RLF: variants seen among roughly 807,000 people sequenced by gnomAD.
RLF encodes the protein RLF zinc finger.
RLF carries 7 observed loss-of-function variants against 162.9 expected under a neutral mutation model. The observed-to-expected ratio is 0.04, with a 90% CI of 0.02 to 0.08. RLF has a LOEUF of 0.08. RLF is among the 10% of genes least tolerant of loss of function. The pLI, the probability that RLF is intolerant of heterozygous loss-of-function variation, is 1.00. For synonymous variants in RLF, 782 were observed against 791.5 expected, an observed-to-expected ratio of 0.99 and a Z score of 0.20; for missense variants, 1,664 against 2,244.7, an observed-to-expected ratio of 0.74 and a Z score of 5.23.
chr1:40,214,928 A>AC lies in RLF; in HGVS notation c.811-7646_811-7645insC, dbSNP rs1309961024. On this transcript the variant is annotated intron_variant, in intron 5 of 7. Transcript: ENST00000372771. ...AGAGTGAGCCTGTCTCAAAAAAAAA[A>AC]AAAAAAAAAAAAAAAAACTAAAGTA... Among the ~76,000 whole-genome samples the AC allele has an allele frequency of 2.8e-4, 41 of 146,808 alleles. 1 individual carries two copies. The highest frequency in any genetic ancestry group is 7.2e-4 in the African/African-American group (29 of 40,498).
chr1:40,167,955 G>A (rs1012996915), intron 1 of RLF, among the ~76,000 whole-genome samples: 2 of 151,340 alleles, frequency 1.3e-5, no homozygotes, highest in African/African-American at 4.9e-5. Flanking sequence ...GATGGCTCAT[G>A]CCTGTAATCC....
intron 2 of RLF, among the ~76,000 whole-genome samples, chr1:40,190,551 A>G (rs889407455): frequency 1.3e-5 from 2 of 152,162 alleles, no homozygotes; most frequent in African/African-American, 4.8e-5. Flanking sequence ...ATTCTTACCA[A>G]ATGTACTAAA....
intron 1 of RLF, among the ~76,000 whole-genome samples, chr1:40,183,887 A>G (rs903707678): frequency 6.6e-6 from 1 of 152,172 alleles, no homozygotes; most frequent in Non-Finnish European, 1.5e-5. Flanking sequence ...AACCCATACT[A>G]TGTGCTCAGT....
chr1:40,231,699 A>G, intron 7 of RLF, 41 bp downstream of exon 7: 1 of 1,553,068 alleles, frequency 6.4e-7, no homozygotes, highest in Non-Finnish European at 8.7e-7. Flanking sequence ...TAGCTGGAGG[A>G]AAGAAATGAG....
At chr1:40,188,514 G>T (rs1464739851) in intron 1 of RLF, among the ~76,000 whole-genome samples, 2 of 151,718 alleles carry the variant, frequency 1.3e-5, no homozygotes, top group African/African-American at 2.4e-5. Context: ...TTTTGTTGAG[G>T]ATACAGGGCT....
chr1:40,236,601 C>T lies in RLF; in HGVS notation c.1899C>T (p.Pro633=), dbSNP rs202240048. ...AAAAGGGTATTTGTCCTAAGAGCCC[C>T]TCTGCAATCCCAGAGCAAAACCATT... The part of the protein sequence containing the change: ...GSQKGICPKS[P]SAIPEQNHSL... The change falls in exon 8 of 8, where the codon CCC becomes CCT. Residue 633 remains proline (P), a synonymous_variant. Coordinates refer to ENST00000372771, the MANE Select transcript of RLF (RefSeq NM_012421.4). The surrounding 1 kb of genome is among the most constrained non-coding windows in gnomAD (Gnocchi z 7.7). 9.0e-5 allele frequency: 145 copies of T among 1,614,120 alleles called. No homozygotes were observed. The highest frequency in any genetic ancestry group is 6.7e-5 in the East Asian group (3 of 44,880).
chr1:40,165,737 T>C (rs1280858544), intron 1 of RLF, among the ~76,000 whole-genome samples: 2 of 152,166 alleles, frequency 1.3e-5, no homozygotes, highest in African/African-American at 4.8e-5. Context: ...AAATTATAAA[T>C]ATAATCTTGT....
At chr1:40,164,114 A>G (rs1444256959) in intron 1 of RLF, among the ~76,000 whole-genome samples, 1 of 152,212 alleles carries the variant, frequency 6.6e-6, no homozygotes, top group East Asian at 1.9e-4. Flanking sequence ...GGACTCTAGG[A>G]GAGGAGCACA....
chr1:40,231,483 T>G (rs770813173), intron 6 of RLF, 34 bp from the exon 7 acceptor site: 1 of 1,599,366 alleles, frequency 6.3e-7, no homozygotes, highest in Non-Finnish European at 8.5e-7. Context: ...ACCAGTTACT[T>G]TAAATGTTTT....
chr1:40,237,799 A>G lies in RLF; in HGVS notation c.3097A>G (p.Ile1033Val). 6.2e-7 allele frequency: 1 copy of G among 1,614,150 alleles called. No individual in the cohort carries two copies. Among genetic ancestry groups the G allele is most frequent in the Non-Finnish European group, 8.5e-7 (1 of 1,180,006 alleles). ...TGAAGGTCTAGATCACAATATTCAC[A>G]TTAAATGTAAACGAGAACATCAAGG... The part of the protein sequence containing the change: ...PDEGLDHNIH[I>V]KCKREHQGYS... Residue 1033 changes from isoleucine to valine, a missense_variant, in exon 8 of 8, where the codon ATT becomes GTT. Coordinates refer to ENST00000372771, the MANE Select transcript of RLF (RefSeq NM_012421.4). This position sits in a 1 kb window ranked among gnomAD's most constrained non-coding sequence, Gnocchi z 4.4.
Position 40,237,615 on chromosome 1 carries a change from G to A in RLF, c.2913G>A (p.Met971Ile). ...CCACATACAAAAATGCAAGAGGAAT[G>A]CAGAAACATTTACGGAAGGTTCATC... ...CGSTYKNARG[M>I]QKHLRKVHPY... Residue 971 changes from methionine to isoleucine, a missense_variant, in exon 8 of 8, where the codon ATG becomes ATA. Met to Ile is a conservative substitution (Grantham distance 10). Coordinates refer to ENST00000372771, the MANE Select transcript of RLF (RefSeq NM_012421.4). This position sits in a 1 kb window ranked among gnomAD's most constrained non-coding sequence, Gnocchi z 4.4. 1.2e-6 allele frequency: 2 copies of A among 1,614,112 alleles called. No individual in the cohort carries two copies. Among genetic ancestry groups the A allele is most frequent in the Non-Finnish European group, 1.7e-6 (2 of 1,179,998 alleles).
chr1:40,205,845 A>G (rs1424484915), intron 5 of RLF, among the ~76,000 whole-genome samples: 1 of 151,932 alleles, frequency 6.6e-6, no homozygotes, highest in Non-Finnish European at 1.5e-5. Context: ...GCAGTATACC[A>G]TATCACTAAA....
At chr1:40,170,225 G>A (rs556870301) in intron 1 of RLF, among the ~76,000 whole-genome samples, 1 of 151,986 alleles carries the variant, frequency 6.6e-6, no homozygotes, top group Non-Finnish European at 1.5e-5. Context: ...TTTAGTTTTA[G>A]CCTAAAACAT....
At position 40,199,108 on chromosome 1, in the gene RLF, G is replaced by A. The variant is rs751717761; in HGVS notation, c.608-3304G>A. On this transcript the variant is annotated intron_variant, in intron 4 of 7. Transcript: ENST00000372771. ...CTCATGTAATCCATGAAACAGGTGA[G>A]AGATTACACATACCCAAGACCATGT... Among the ~76,000 whole-genome samples the A allele has an allele frequency of 1.7e-4, 26 of 152,214 alleles. No homozygotes were observed. The South Asian group carries it at 1.9e-3, about 11-fold the overall frequency.
At chr1:40,167,130 G>A (rs1287611442) in intron 1 of RLF, among the ~76,000 whole-genome samples, 1 of 152,136 alleles carries the variant, frequency 6.6e-6, no homozygotes, top group Non-Finnish European at 1.5e-5. Context: ...GTGCAGTGAG[G>A]AATAGCATTG....
chr1:40,201,482 C>T (rs971657657), intron 4 of RLF, among the ~76,000 whole-genome samples: 3 of 151,756 alleles, frequency 2.0e-5, no homozygotes, highest in African/African-American at 4.8e-5. Context: ...ATAAATTAGC[C>T]GGGCATGGTG....
intron 1 of RLF, among the ~76,000 whole-genome samples, chr1:40,164,256 C>G (rs1445463984): frequency 6.6e-6 from 1 of 152,108 alleles, no homozygotes; most frequent in Non-Finnish European, 1.5e-5. Flanking sequence ...TAGATTGTAC[C>G]AAGTAATCCC....
chr1:40,224,621 AGCTTT>A (rs1643041797), intron 6 of RLF, among the ~76,000 whole-genome samples: 1 of 35,198 alleles, frequency 2.8e-5, no homozygotes, highest in East Asian at 1.1e-3. Context: ...TGTTTTTGAA[AGCTTT>A]TTTTTTTTTT....
Position 40,240,792 on chromosome 1 carries a change from C to A in RLF, c.*345C>A. 1 of 213,430 alleles carries A rather than the reference C, an allele frequency of 4.7e-6. No individual in the cohort carries two copies. The highest frequency in any genetic ancestry group is 9.4e-6 in the Non-Finnish European group (1 of 105,944). The allele number at this position is 213,430 out of a possible 1,614,324, so 13.2% of individuals were successfully genotyped here. A position where few individuals can be genotyped will look rare whatever the true frequency, so the allele number is the denominator to read the frequency against. On this transcript the variant is annotated 3_prime_UTR_variant, in exon 8 of 8. Transcript: ENST00000372771. Reference sequence around the variant, plus strand: ...ATACTAAGGTCCCAGGGTGGGAGGGCTAGGGAAAGGGATATGGAGTTCTTA... The same window carrying A: ...ATACTAAGGTCCCAGGGTGGGAGGGATAGGGAAAGGGATATGGAGTTCTTA...
Sources: allele counts gnomAD v4.1 joint callset (sites outside exome capture counted in the v4.1 genomes callset), GRCh38; gene constraint gnomAD v4.1.1; non-coding constraint Gnocchi (gnomAD v3.1); transcripts MANE v1.5; gene names NCBI Gene and HGNC (gene_info 2026-07-23, HGNC 2026-07-21).